Variants in USP47 observed in about 807,000 individuals in gnomAD.
USP47 encodes the protein ubiquitin carboxyl-terminal hydrolase 47.
Under a neutral mutation model 165.1 loss-of-function variants are expected in USP47, and 35 were observed. The observed-to-expected ratio is 0.21, with a 90% CI of 0.16 to 0.28. USP47 has a LOEUF of 0.28. Among genes scored for constraint, USP47 ranks in the 10% least tolerant of loss-of-function variants. USP47 has a pLI of 1.00. For missense variants in USP47, 1,277 were observed against 1,607.4 expected, an observed-to-expected ratio of 0.79 and a Z score of 3.52; for synonymous variants, 531 against 544.5, an observed-to-expected ratio of 0.98 and a Z score of 0.35.
At chr11:11,870,547 A>G (rs1056949898) in intron 1 of USP47, among the ~76,000 whole-genome samples, 1 of 152,010 alleles carries the variant, frequency 6.6e-6, no homozygotes. Flanking sequence ...ACTGGATGCA[A>G]ATTCTTTGAG....
intron 11 of USP47, 140 bp downstream of exon 11, chr11:11,923,031 T>A: frequency 7.0e-6 from 2 of 286,960 alleles, no homozygotes; most frequent in Non-Finnish European, 1.2e-5. Flanking sequence ...TCAAATATAG[T>A]TTTTTTGTAC....
intron 1 of USP47, among the ~76,000 whole-genome samples, chr11:11,852,770 A>G (rs1459777169): frequency 6.6e-6 from 1 of 152,168 alleles, no homozygotes; most frequent in Non-Finnish European, 1.5e-5. Flanking sequence ...AAATCCTTAT[A>G]TTCAGTCTAT....
intron 1 of USP47, among the ~76,000 whole-genome samples, chr11:11,852,114 C>A (rs77472409): frequency 0.036 from 5,417 of 152,198 alleles, 310 homozygotes; most frequent in African/African-American, 0.12. Flanking sequence ...AAATCAAATT[C>A]TTTGAGACCA....
chr11:11,884,447 A>G lies in USP47; in HGVS notation c.244-20A>G. ...TTTTATGTTTCTCATAATCTGAAAC[A>G]TTATGTTTTATGTCCATAGGCACCA... On this transcript the variant is annotated intron_variant, in intron 2 of 27. Transcript: ENST00000527733. 1 of 1,522,284 alleles carries G rather than the reference A, an allele frequency of 6.6e-7. No individual in the cohort carries two copies. Among genetic ancestry groups the G allele is most frequent in the Non-Finnish European group, 8.9e-7 (1 of 1,127,780 alleles). The allele number at this position is 1,522,284 out of a possible 1,614,324, so 94.3% of individuals were successfully genotyped here. A position where few individuals can be genotyped will look rare whatever the true frequency, so the allele number is the denominator to read the frequency against.
intron 1 of USP47, among the ~76,000 whole-genome samples, chr11:11,851,297 A>G (rs543601553): frequency 2.0e-5 from 3 of 152,272 alleles, no homozygotes; most frequent in African/African-American, 4.8e-5. Flanking sequence ...ATATCCTGTT[A>G]TATGCTCTCT....
chr11:11,863,641 A>T (rs887262353), intron 1 of USP47, among the ~76,000 whole-genome samples: 2 of 152,198 alleles, frequency 1.3e-5, no homozygotes, highest in African/African-American at 4.8e-5. Context: ...TATTTAGGAA[A>T]TTGGACATCT....
intron 1 of USP47, among the ~76,000 whole-genome samples, chr11:11,868,747 A>G (rs1849842371): frequency 6.6e-6 from 1 of 152,048 alleles, no homozygotes; most frequent in Non-Finnish European, 1.5e-5. Flanking sequence ...ATTTTACAGG[A>G]AGGCATGAGA....
At position 11,903,905 on chromosome 11, in the gene USP47, G is replaced by C. The variant is rs77579859; in HGVS notation, c.819+563G>C. On this transcript the variant is annotated intron_variant, in intron 7 of 27. Transcript: ENST00000527733. The stretch of plus-strand genomic sequence containing the variant: ...CTCAATACATGGGAGGGTTTATACT[G>C]GGTATAGTAAATGAAGGTCACAGGG... Among the ~76,000 whole-genome samples the C allele has an allele frequency of 4.9e-3, 740 of 152,186 alleles. 6 individuals carry two copies. The highest frequency in any genetic ancestry group is 0.017 in the African/African-American group (720 of 41,542).
chr11:11,954,816 GT>G, intron 25 of USP47, 80 bp from the exon 26 acceptor site: 1 of 1,485,648 alleles, frequency 6.7e-7, no homozygotes, highest in Non-Finnish European at 9.2e-7. Flanking sequence ...AGCTATTTCT[GT>G]TTGTGGGGTA....
Position 11,914,863 on chromosome 11 carries a change from C to G in USP47, c.970-5293C>G, listed in dbSNP as rs186584357. On this transcript the variant is annotated intron_variant, in intron 8 of 27. Transcript: ENST00000527733. ...TAATGACAGCATGGAAATCTGGTGA[C>G]TATGTGGAGAAACTGTATCACACAT... Among the ~76,000 whole-genome samples the G allele has an allele frequency of 2.3e-3, 352 of 152,214 alleles. 2 individuals are homozygous for G. The highest frequency in any genetic ancestry group is 2.1e-3 in the Non-Finnish European group (141 of 68,004).
intron 5 of USP47, among the ~76,000 whole-genome samples, chr11:11,901,481 C>T (rs1852224223): frequency 1.3e-5 from 2 of 152,018 alleles, no homozygotes; most frequent in Admixed American, 6.6e-5. Context: ...TATTTCTTTC[C>T]ATGAGATCTT....
rs760458325 is a variant in USP47 at position 11,903,248 on chromosome 11, TTTATC to T, written c.740-11_740-7del. ...AGTTTATAGCTATTTCTAATTGAAT[TTTATC>T]TTAAAACAGCTTGGCAGCAGCATGA... On this transcript the variant is annotated splice_polypyrimidine_tract_variant and intron_variant, in intron 6 of 27. Coordinates refer to ENST00000527733, the MANE Select transcript of USP47 (RefSeq NM_001282659.2). 6.2e-7 allele frequency: 1 copy of T among 1,602,840 alleles called. No individual in the cohort carries two copies. The highest frequency in any genetic ancestry group is 8.5e-7 in the Non-Finnish European group (1 of 1,174,734).
At chr11:11,905,730 A>C (rs1295933754) in intron 8 of USP47, among the ~76,000 whole-genome samples, 182 bp downstream of exon 8, 7 of 152,102 alleles carry the variant, frequency 4.6e-5, no homozygotes, top group Non-Finnish European at 1.0e-4. Context: ...CTAATAGTGC[A>C]TGTATTATAA....
At chr11:11,893,323 G>C (rs755122264) in intron 4 of USP47, among the ~76,000 whole-genome samples, 1 of 152,108 alleles carries the variant, frequency 6.6e-6, no homozygotes, top group Non-Finnish European at 1.5e-5. Context: ...GCTAAGTATG[G>C]CTTCAGAAAC....
At chr11:11,876,225 A>T (rs1850408449) in intron 1 of USP47, among the ~76,000 whole-genome samples, 1 of 149,592 alleles carries the variant, frequency 6.7e-6, no homozygotes, top group Non-Finnish European at 1.5e-5. Context: ...CTAAAATTTT[A>T]CACTTGTTTT....
chr11:11,935,484 A>G (rs1854991594), intron 16 of USP47, among the ~76,000 whole-genome samples: 1 of 151,936 alleles, frequency 6.6e-6, no homozygotes, highest in Admixed American at 6.6e-5. Context: ...AGAAACAAAC[A>G]AACAGAAAAG....
At chr11:11,908,097 A>G (rs560535123) in intron 8 of USP47, among the ~76,000 whole-genome samples, 1 of 151,634 alleles carries the variant, frequency 6.6e-6, no homozygotes, top group African/African-American at 2.4e-5. Context: ...CAAAAAAAAC[A>G]AAAAAAGATA....
At chr11:11,919,292 T>G (rs1853652991) in intron 8 of USP47, among the ~76,000 whole-genome samples, 1 of 151,990 alleles carries the variant, frequency 6.6e-6, no homozygotes, top group Non-Finnish European at 1.5e-5. Flanking sequence ...ACTGTCTTAA[T>G]GATTCCATTT....
chr11:11,870,605 A>C (rs1316893482), intron 1 of USP47, among the ~76,000 whole-genome samples: 1 of 152,136 alleles, frequency 6.6e-6, no homozygotes, highest in African/African-American at 2.4e-5. Flanking sequence ...TTATTAAAGC[A>C]ATTCCTGGGT....
Sources: allele counts gnomAD v4.1 joint callset (sites outside exome capture counted in the v4.1 genomes callset), GRCh38; gene constraint gnomAD v4.1.1; transcripts MANE v1.5; gene names NCBI Gene and HGNC (gene_info 2026-07-23, HGNC 2026-07-21).